MYLK4: variants seen among roughly 807,000 people sequenced by gnomAD.
MYLK4 encodes caMLCK like.
A neutral mutation model predicts 48.1 loss-of-function variants in MYLK4; 46 were observed. That is an observed-to-expected ratio of 0.96 (90% CI 0.75 to 1.22). The LOEUF (loss-of-function observed/expected upper bound fraction) is 1.22. Ranked by LOEUF, MYLK4 falls within the 50% of genes most tolerant of loss-of-function variation. The pLI is 0.00. For missense variants in MYLK4, 451 were observed against 486.1 expected (o/e 0.93, Z 0.68); for synonymous variants, 170 against 180.8 (o/e 0.94, Z 0.48).
chr6:2,768,014 AG>A, the MYLK4 span, among the ~76,000 whole-genome samples: 2 of 152,188 alleles, frequency 1.3e-5, no homozygotes, highest in Admixed American at 1.3e-4. Context: ...CTCATCCTTT[AG>A]TACTAATAAC....
chr6:2,751,768 G>T (rs904240666), upstream of MYLK4, among the ~76,000 whole-genome samples: 4 of 152,004 alleles, frequency 2.6e-5, no homozygotes, highest in Admixed American at 2.0e-4. Flanking sequence ...AATTCAGATC[G>T]ATGCATTCCA....
chr6:2,767,574 T>G, the MYLK4 span, among the ~76,000 whole-genome samples: 1 of 152,222 alleles, frequency 6.6e-6, no homozygotes, highest in Non-Finnish European at 1.5e-5. Flanking sequence ...TAACATCTTA[T>G]GATGATGGTG....
chr6:2,764,632 C>T, the MYLK4 span, among the ~76,000 whole-genome samples: 2 of 152,198 alleles, frequency 1.3e-5, no homozygotes, highest in Non-Finnish European at 2.9e-5. Context: ...GATATTCTTT[C>T]CATTTCTATC....
chr6:2,753,335 C>A (rs576860603), upstream of MYLK4, among the ~76,000 whole-genome samples: 1 of 152,112 alleles, frequency 6.6e-6, no homozygotes, highest in African/African-American at 2.4e-5. Context: ...TTCTACACAG[C>A]GTTCTGAATG....
chr6:2,757,785 T>C, the MYLK4 span, among the ~76,000 whole-genome samples: 1 of 152,252 alleles, frequency 6.6e-6, no homozygotes, highest in African/African-American at 2.4e-5. Context: ...AAGATTGCTA[T>C]ACCAAATATG....
the MYLK4 span, among the ~76,000 whole-genome samples, chr6:2,762,339 A>G: frequency 6.6e-6 from 1 of 152,230 alleles, no homozygotes; most frequent in Non-Finnish European, 1.5e-5. Context: ...ACACGTCCTA[A>G]GAGACTTAAG....
intron 2 of MYLK4, among the ~76,000 whole-genome samples, chr6:2,694,584 G>GTGGTGGTGGTGGTGGTGA (rs1761982999): frequency 7.6e-6 from 1 of 131,956 alleles, no homozygotes; most frequent in Non-Finnish European, 1.6e-5. Context: ...GCTGCTGGTG[G>GTGGTGGTGGTGGTGGTGA]TGGTGGTGGT....
chr6:2,762,386 T>C, the MYLK4 span, among the ~76,000 whole-genome samples: 84 of 152,354 alleles, frequency 5.5e-4, 1 homozygote, highest in East Asian at 8.7e-3. Flanking sequence ...AGTAGACTTG[T>C]AGATTTTCCA....
At position 2,670,704 on chromosome 6, in the gene MYLK4, G is replaced by A. The variant is rs545298920; in HGVS notation, c.*25+572C>T. ...GGTGGAGGTCCGCATGTGTCAGGGT[G>A]TATGGGAGGTGGTATTCTTTGGGCT... On this transcript the variant is annotated intron_variant, in intron 12 of 12. Transcript: ENST00000274643. Among the ~76,000 whole-genome samples, 12 of 152,274 alleles carry A rather than the reference G, an allele frequency of 7.9e-5. No individual in the cohort carries two copies. The South Asian group carries it at 1.5e-3, about 18-fold the overall frequency.
At chr6:2,725,577 AAAAGAAAG>A (rs768872849) in intron 2 of MYLK4, among the ~76,000 whole-genome samples, 27 of 128,940 alleles carry the variant, frequency 2.1e-4, no homozygotes, top group African/African-American at 5.0e-4. Flanking sequence ...GAAAGAAAGA[AAAAGAAAG>A]AGAAAGAAAG....
chr6:2,685,099 A>T lies in MYLK4; in HGVS notation c.545+197T>A, dbSNP rs952958762. The stretch of plus-strand genomic sequence containing the variant: ...TACTTGGTCCCACTACTTCTTAGCA[A>T]TAAAATCCCATATGGAGATTTGTAA... On this transcript the variant is annotated intron_variant, in intron 6 of 12. Coordinates refer to ENST00000274643, the MANE Select transcript of MYLK4 (RefSeq NM_001012418.5). This position sits in a 1 kb window ranked among gnomAD's most constrained non-coding sequence, Gnocchi z 4.5. 2.0e-5 allele frequency among the ~76,000 whole-genome samples: 3 copies of T among 152,244 alleles called. No individual in the cohort carries two copies. Among genetic ancestry groups the T allele is most frequent in the East Asian group, 3.8e-4 (2 of 5,206 alleles).
rs188768789 is a variant in MYLK4 at position 2,678,463 on chromosome 6, T to G, written c.888-91A>C. 10 of 1,388,506 alleles carry G rather than the reference T, an allele frequency of 7.2e-6. No individual in the cohort carries two copies. In the Admixed American group the frequency reaches 2.3e-4, roughly 32 times the overall value. The allele number at this position is 1,388,506 out of a possible 1,614,324, so 86.0% of individuals were successfully genotyped here. On this transcript the variant is annotated intron_variant, in intron 9 of 12. Transcript: ENST00000274643. ...CTTTTCTGGTTGTGCCATTTAAAGG[T>G]GAGAGAAGGAAAATAACCTAATCCT...
At chr6:2,749,820 G>A (rs1582134819) in intron 1 of MYLK4, among the ~76,000 whole-genome samples, 1 of 152,132 alleles carries the variant, frequency 6.6e-6, no homozygotes, top group Non-Finnish European at 1.5e-5. Context: ...CTCTGCAGAG[G>A]GATCGCTCCC....
intron 2 of MYLK4, among the ~76,000 whole-genome samples, chr6:2,699,352 C>T (rs1244837540): frequency 2.2e-4 from 26 of 120,752 alleles, no homozygotes; most frequent in Admixed American, 4.6e-4. Flanking sequence ...AGTGCAGTGG[C>T]GCAATCTCGG....
intron 2 of MYLK4, chr6:2,743,952 G>A (rs1763981291): frequency 1.5e-5 from 6 of 398,624 alleles, no homozygotes; most frequent in East Asian, 1.1e-4. Context: ...ATCACGAACC[G>A]GATCAAGCAC....
At chr6:2,758,312 T>C in the MYLK4 span, among the ~76,000 whole-genome samples, 9 of 151,730 alleles carry the variant, frequency 5.9e-5, no homozygotes, top group Middle Eastern at 3.4e-3. Flanking sequence ...CAGTAATTTA[T>C]AATATTTTTT....
At chr6:2,768,410 A>G in the MYLK4 span, among the ~76,000 whole-genome samples, 1 of 152,228 alleles carries the variant, frequency 6.6e-6, no homozygotes, top group Non-Finnish European at 1.5e-5. Flanking sequence ...CAAAGATCTT[A>G]AAGAGTCACC....
At position 2,749,390 on chromosome 6, in the gene MYLK4, G is replaced by T; in HGVS notation, c.-96C>A. On this transcript the variant is annotated 5_prime_UTR_variant, in exon 2 of 13. The change creates a new upstream start codon in the 5' untranslated region. Transcript: ENST00000274643. ...ATCAGGACACAATTATGACTCTTCA[G>T]TGCTTCTTTCTCTTGACTGCAAAGA... is the stretch of plus-strand genomic sequence containing the variant. 1 of 930,688 alleles carries T rather than the reference G, an allele frequency of 1.1e-6. No homozygotes were observed. The highest frequency in any genetic ancestry group is 1.6e-6 in the Non-Finnish European group (1 of 626,848). 57.7% of individuals were successfully genotyped at this position (930,688 alleles called of 1,614,324 possible).
At chr6:2,670,950 G>A (rs1760864871) in intron 12 of MYLK4, among the ~76,000 whole-genome samples, 2 of 151,952 alleles carry the variant, frequency 1.3e-5, no homozygotes, top group Admixed American at 1.3e-4. Context: ...ACCCCTAGAC[G>A]GTTACCAGCA....
Sources: allele counts gnomAD v4.1 joint callset (sites outside exome capture counted in the v4.1 genomes callset), GRCh38; gene constraint gnomAD v4.1.1; non-coding constraint Gnocchi (gnomAD v3.1); transcripts MANE v1.5; gene names NCBI Gene and HGNC (gene_info 2026-07-23, HGNC 2026-07-21).